ATRX: variants seen among roughly 807,000 people sequenced by gnomAD.
The protein encoded by ATRX is chromatin remodeler ATRX.
A neutral mutation model predicts 172.6 loss-of-function variants in ATRX; 12 were observed. That is an observed-to-expected ratio of 0.07 (90% confidence interval 0.04 to 0.11). ATRX has a LOEUF of 0.11. ATRX is among the 10% of genes least tolerant of loss of function. The pLI, the probability that ATRX is intolerant of heterozygous loss-of-function variation, is 1.00. For missense variants in ATRX, 1,368 were observed against 1,767.4 expected (o/e 0.77, Z 4.05); for synonymous variants, 674 against 594.7 (o/e 1.13, Z -1.94).
In ATRX at chrX:77,684,915, T is replaced by A. The variant is rs1333134973; in HGVS notation, c.662+24A>T. ...CCTCCCAAAAGTAGGAAACACTGAA[T>A]GTTAGCTCATCTATATTACCTACCT... On this transcript the variant is annotated intron_variant, in intron 8 of 34. Transcript: ENST00000373344. The A allele has an allele frequency of 2.6e-6, 3 of 1,158,598 alleles. No homozygotes were observed. In the African/African-American group the frequency reaches 5.3e-5, roughly 21 times the overall value.
At chrX:77,584,324 A>G (rs1557075683) in intron 27 of ATRX, among the ~76,000 whole-genome samples, 1 of 111,653 alleles carries the variant, frequency 9.0e-6, no homozygotes, top group Non-Finnish European at 1.9e-5. Context: ...ACAACCCTAA[A>G]AATTTATATG....
intron 34 of ATRX, 94 bp from the exon 35 acceptor site, chrX:77,508,723 C>A: frequency 1.0e-6 from 1 of 978,980 alleles, no homozygotes; most frequent in Non-Finnish European, 1.4e-6. Flanking sequence ...AAGGGGGTAC[C>A]ATACCAAAAG....
At chrX:77,700,610 A>T (rs190194079) in intron 2 of ATRX, among the ~76,000 whole-genome samples, 2 of 112,534 alleles carry the variant, frequency 1.8e-5, no homozygotes, top group East Asian at 5.5e-4. Flanking sequence ...AGCTTTATTC[A>T]TAACTGCCAA....
intron 1 of ATRX, among the ~76,000 whole-genome samples, chrX:77,778,518 C>G (rs782407124): frequency 9.1e-6 from 1 of 109,620 alleles, no homozygotes; most frequent in African/African-American, 3.3e-5. Flanking sequence ...GTCAGGAGAT[C>G]AAGACCATCC....
chrX:77,760,451 TG>T (rs1305194207), intron 1 of ATRX, among the ~76,000 whole-genome samples: 4 of 63,475 alleles, frequency 6.3e-5, no homozygotes, highest in Non-Finnish European at 1.1e-4. Flanking sequence ...CATCACACTC[TG>T]GGGACTGTTG....
intron 1 of ATRX, among the ~76,000 whole-genome samples, chrX:77,757,082 G>A (rs1043032468): frequency 2.7e-5 from 3 of 111,363 alleles, no homozygotes; most frequent in Admixed American, 9.6e-5. Context: ...CACTGCACCC[G>A]ACCTATATCT....
intron 27 of ATRX, among the ~76,000 whole-genome samples, chrX:77,574,918 G>A (rs1002847623): frequency 1.3e-4 from 14 of 109,786 alleles, no homozygotes; most frequent in African/African-American, 4.3e-4. Context: ...AAAGGAGTAC[G>A]ACTTTATGAG....
intron 30 of ATRX, among the ~76,000 whole-genome samples, chrX:77,541,312 T>C (rs2063984253): frequency 8.9e-6 from 1 of 112,119 alleles, no homozygotes; most frequent in Non-Finnish European, 1.9e-5. Context: ...GTTCTGAAAC[T>C]GAGGCAGTAA....
intron 28 of ATRX, among the ~76,000 whole-genome samples, chrX:77,572,501 T>G (rs55702032): frequency 9.0e-6 from 1 of 111,425 alleles, no homozygotes; most frequent in South Asian, 3.7e-4. Context: ...TTAGGGGTAA[T>G]TCACTAGTGA....
At chrX:77,579,672 A>G (rs189891670) in intron 27 of ATRX, among the ~76,000 whole-genome samples, 1 of 111,998 alleles carries the variant, frequency 8.9e-6, no homozygotes, top group African/African-American at 3.2e-5. Context: ...AAATACCTGG[A>G]AAGCCTTCCC....
intron 22 of ATRX, among the ~76,000 whole-genome samples, chrX:77,608,368 CAAAAAA>C (rs782356472): frequency 2.6e-5 from 1 of 37,840 alleles, no homozygotes; most frequent in Non-Finnish European, 5.5e-5. Flanking sequence ...GACCCCGTCT[CAAAAAA>C]AAAAAAAAAA....
intron 22 of ATRX, among the ~76,000 whole-genome samples, chrX:77,602,365 C>T (rs1405667266): frequency 1.8e-5 from 2 of 109,518 alleles, no homozygotes; most frequent in Non-Finnish European, 3.8e-5. Flanking sequence ...GAAGGTTTGT[C>T]GATTATGTTA....
intron 1 of ATRX, among the ~76,000 whole-genome samples, chrX:77,778,104 G>A (rs1435000370): frequency 1.9e-5 from 2 of 105,760 alleles, no homozygotes. Flanking sequence ...CACTGAGCCC[G>A]GGTGACAGAG....
rs140550071 is a variant in ATRX at position 77,725,005 on chromosome X, T to G, written c.21-7762A>C. Among the ~76,000 whole-genome samples, 95 of 112,162 alleles carry G rather than the reference T, an allele frequency of 8.5e-4. No homozygotes were observed. The East Asian group carries it at 0.024, about 28-fold the overall frequency. Reference sequence around the variant, plus strand: ...AGGCAAAAGAGCACACATTTACTTATGCTAAACTTTTTATTAAATCCAGAC... The same window carrying G: ...AGGCAAAAGAGCACACATTTACTTAGGCTAAACTTTTTATTAAATCCAGAC... On this transcript the variant is annotated intron_variant, in intron 1 of 34. Coordinates refer to ENST00000373344, the MANE Select transcript of ATRX (RefSeq NM_000489.6).
chrX:77,693,696 A>C, intron 6 of ATRX, 128 bp downstream of exon 6: 2 of 526,073 alleles, frequency 3.8e-6, no homozygotes, highest in Non-Finnish European at 6.6e-6. Context: ...AACAGAAGTT[A>C]TATTTAAGTA....
chrX:77,694,779 G>GA (rs1309807542), intron 5 of ATRX, among the ~76,000 whole-genome samples: 7 of 106,545 alleles, frequency 6.6e-5, no homozygotes, highest in Admixed American at 4.1e-4. Context: ...AACAATTAAG[G>GA]AAAAAAAAGC....
At chrX:77,724,334 G>GA (rs201653117) in intron 1 of ATRX, among the ~76,000 whole-genome samples, 5,797 of 96,848 alleles carry the variant, frequency 0.06, 165 homozygotes, top group Middle Eastern at 0.1. Context: ...GGAAAAAAAA[G>GA]AAAAAAAAAC....
intron 1 of ATRX, among the ~76,000 whole-genome samples, chrX:77,752,520 G>A (rs2075338886): frequency 8.9e-6 from 1 of 112,167 alleles, no homozygotes. Context: ...TAGGAGTGGT[G>A]AGAGAGGGCA....
chrX:77,583,104 C>T (rs898439827), intron 27 of ATRX, among the ~76,000 whole-genome samples: 1 of 111,788 alleles, frequency 8.9e-6, no homozygotes, highest in African/African-American at 3.3e-5. Context: ...AAAACAGTAG[C>T]AAACGGAATT....
Sources: gnomAD v4.1 joint callset for allele counts (sites outside exome capture counted in the v4.1 genomes callset) on GRCh38, gnomAD v4.1.1 for gene constraint, MANE v1.5 for transcripts, NCBI Gene and HGNC (gene_info 2026-07-23, HGNC 2026-07-21) for gene names.